MYO9A: variants seen among roughly 807,000 people sequenced by gnomAD.
MYO9A encodes myosin IXA.
In MYO9A, 103 loss-of-function variants were observed where a neutral mutation model predicts 293.3. The ratio of observed to expected loss-of-function variants is 0.35; its 90% CI spans 0.30 to 0.41. The LOEUF (loss-of-function observed/expected upper bound fraction) is 0.41. MYO9A is among the 10% of genes least tolerant of loss of function. MYO9A has a pLI of 1.00. For missense variants in MYO9A, 2,685 were observed against 3,033.0 expected (o/e 0.89, Z 2.69); for synonymous variants, 1,001 against 1,035.7 (o/e 0.97, Z 0.64).
chr15:71,938,522 C>T (rs2058694803), intron 16 of MYO9A, among the ~76,000 whole-genome samples: 1 of 152,034 alleles, frequency 6.6e-6, no homozygotes, highest in African/African-American at 2.4e-5. Context: ...AATAAGATTT[C>T]TCCACAGAAA....
At chr15:71,862,673 G>A in intron 32 of MYO9A, 62 bp from the exon 33 acceptor site, 2 of 1,093,246 alleles carry the variant, frequency 1.8e-6, no homozygotes. Flanking sequence ...CCCTAACGTG[G>A]TGGGAAATCC....
rs771741279 is a variant in MYO9A, at chr15:71,883,746, G to T, written c.5256-10C>A. ...CTTAGCTCTCTGAGGTCTGTTTAAA[G>T]AAATAAAGGTAAAAATGGAAATTAA... On this transcript the variant is annotated splice_polypyrimidine_tract_variant and intron_variant, in intron 27 of 41. Transcript: ENST00000356056. 2.1e-5 allele frequency: 33 copies of T among 1,597,000 alleles called. No individual in the cohort carries two copies. The South Asian group carries it at 2.3e-4, about 11-fold the overall frequency.
At chr15:71,965,744 A>G (rs889664252) in intron 13 of MYO9A, among the ~76,000 whole-genome samples, 3 of 152,182 alleles carry the variant, frequency 2.0e-5, no homozygotes, top group Non-Finnish European at 2.9e-5. Context: ...CTCCGTCTCA[A>G]AACAAACAAA....
At chr15:72,000,790 C>T (rs1384207611) in intron 8 of MYO9A, among the ~76,000 whole-genome samples, 1 of 152,158 alleles carries the variant, frequency 6.6e-6, no homozygotes, top group Non-Finnish European at 1.5e-5. Flanking sequence ...CAGGCACACA[C>T]CATGTCGATA....
chr15:71,881,844 A>C (rs565932114), intron 28 of MYO9A, among the ~76,000 whole-genome samples: 2 of 152,340 alleles, frequency 1.3e-5, no homozygotes, highest in South Asian at 4.1e-4. Context: ...GTGGGAAATA[A>C]AAAACTTAGA....
At chr15:71,868,641 A>G (rs2056412996) in intron 32 of MYO9A, among the ~76,000 whole-genome samples, 1 of 152,188 alleles carries the variant, frequency 6.6e-6, no homozygotes, top group Admixed American at 6.5e-5. Flanking sequence ...GGTCTTCTGA[A>G]TATATTGTTC....
At chr15:72,075,647 A>G (rs1367525073) in intron 1 of MYO9A, among the ~76,000 whole-genome samples, 1 of 152,028 alleles carries the variant, frequency 6.6e-6, no homozygotes, top group Non-Finnish European at 1.5e-5. Flanking sequence ...GAAGAAAGCC[A>G]GGCACAGTGA....
chr15:71,879,825 C>G lies in MYO9A; in HGVS notation c.5635G>C (p.Asp1879His). The G allele has an allele frequency of 6.2e-7, 1 of 1,609,960 alleles. No homozygotes were observed. The highest frequency in any genetic ancestry group is 2.2e-5 in the East Asian group (1 of 44,830). The part of the protein sequence containing the change: ...EFLLKKVNDL[D>H]NEDSKKDTLV... ...GTATCCTTCTTGCTGTCTTCATTAT[C>G]TAGGTCATTCACCTGGGAACCACAA... Residue 1879 changes from aspartate to histidine, a missense_variant, in exon 30 of 42, where the codon GAT becomes CAT. Physicochemically the swap from Asp to His is moderately conservative, Grantham distance 81. This residue lies in a region of MYO9A where 1,434 missense variants were observed against 1,497.7 expected (regional missense o/e 0.96). Transcript: ENST00000356056.
chr15:71,891,100 A>G (rs1399896567), intron 26 of MYO9A: 2 of 152,222 alleles, frequency 1.3e-5, no homozygotes, highest in Non-Finnish European at 2.9e-5. Context: ...CTATCCACAT[A>G]TTCTACAAAG....
chr15:72,109,787 G>A (rs1383055491), intron 1 of MYO9A, among the ~76,000 whole-genome samples: 2 of 151,940 alleles, frequency 1.3e-5, no homozygotes, highest in South Asian at 2.1e-4. Context: ...TACTTGGGAC[G>A]CTGAGGCACA....
rs180999266 is a variant in MYO9A, at chr15:72,055,290, T to G, written c.-71-8656A>C. 2.6e-3 allele frequency among the ~76,000 whole-genome samples: 395 copies of G among 152,254 alleles called. 2 individuals carry two copies. The highest frequency in any genetic ancestry group is 1.8e-3 in the Non-Finnish European group (123 of 68,016). ...AAATGTTAATAGTTGGCAGGCCACA[T>G]GTAGAATGAAAACCTCTCACCTTAT... On this transcript the variant is annotated intron_variant, in intron 1 of 41. Transcript: ENST00000356056.
intron 23 of MYO9A, among the ~76,000 whole-genome samples, chr15:71,900,642 T>C (rs2057457506): frequency 6.6e-6 from 1 of 152,192 alleles, no homozygotes; most frequent in Non-Finnish European, 1.5e-5. Flanking sequence ...CTTTAACATA[T>C]TATATTCTTT....
chr15:71,912,414 C>G (rs2057885081), intron 19 of MYO9A, among the ~76,000 whole-genome samples: 1 of 152,108 alleles, frequency 6.6e-6, no homozygotes, highest in African/African-American at 2.4e-5. Context: ...CATCGCCATG[C>G]CTGGCTAATT....
chr15:71,861,230 G>A (rs1177611201), intron 33 of MYO9A, among the ~76,000 whole-genome samples: 2 of 150,852 alleles, frequency 1.3e-5, no homozygotes, highest in East Asian at 3.9e-4. Flanking sequence ...CAATTTTTCT[G>A]TGGCAAACTG....
At chr15:71,969,211 G>A (rs937729193) in intron 12 of MYO9A, among the ~76,000 whole-genome samples, 8 of 152,062 alleles carry the variant, frequency 5.3e-5, no homozygotes, top group Non-Finnish European at 1.0e-4. Context: ...AACAAACATC[G>A]ACTTCATGTT....
At chr15:72,038,488 C>G (rs1042523240) in intron 2 of MYO9A, among the ~76,000 whole-genome samples, 1 of 152,108 alleles carries the variant, frequency 6.6e-6, no homozygotes, top group African/African-American at 2.4e-5. Flanking sequence ...AAATCAAGAA[C>G]AGGGGACAGA....
rs1274737532 is a variant in MYO9A, at chr15:72,045,876, T to G, written c.688A>C (p.Lys230Gln). Residue 230 changes from lysine to glutamine, a missense_variant, in exon 2 of 42, where the codon AAA (lysine) becomes CAA (glutamine). By Grantham distance (53) the Lys-to-Gln change is moderately conservative. This residue lies in a region of MYO9A where 289 missense variants were observed against 456.8 expected (regional missense o/e 0.63). Transcript: ENST00000356056. ...DVAYHAMLQR[K>Q]KNQCIVISGE... ...GAAATCACGATGCACTGATTCTTTT[T>G]GCGCTGAAGCATGGCATGATAAGCT... The G allele has an allele frequency of 2.5e-6, 4 of 1,614,028 alleles. No individual in the cohort carries two copies. In the African/African-American group the frequency reaches 5.3e-5, roughly 22 times the overall value.
intron 6 of MYO9A, among the ~76,000 whole-genome samples, chr15:72,017,102 C>T (rs1042757690): frequency 6.9e-6 from 1 of 144,562 alleles, no homozygotes; most frequent in African/African-American, 2.6e-5. Flanking sequence ...CTCGCTGTAG[C>T]CTCAACCTCC....
intron 32 of MYO9A, among the ~76,000 whole-genome samples, chr15:71,873,117 A>G (rs552358064): frequency 3.4e-4 from 52 of 151,914 alleles, no homozygotes; most frequent in African/African-American, 1.3e-3. Flanking sequence ...GGGTTTCGCC[A>G]TGTTGGCCAG....
Sources: allele counts gnomAD v4.1 joint callset (sites outside exome capture counted in the v4.1 genomes callset), GRCh38; gene constraint gnomAD v4.1.1; regional missense constraint gnomAD v4.1.1; transcripts MANE v1.5; gene names NCBI Gene and HGNC (gene_info 2026-07-23, HGNC 2026-07-21).